The following KCND2 variants were observed in gnomAD, a reference collection of about 807,000 sequenced individuals.
The protein encoded by KCND2 is potassium voltage-gated channel subfamily D member 2.
In KCND2, 16 loss-of-function variants were observed where a neutral mutation model predicts 54.4. The observed-to-expected ratio is 0.29, with a 90% CI of 0.20 to 0.45. KCND2 has a LOEUF of 0.45. KCND2 is among the 20% of genes least tolerant of loss of function. The probability of loss-of-function intolerance (pLI) is 1.00; values close to 1 mark genes in which losing one functional copy is unlikely to be tolerated. For synonymous variants in KCND2, 317 were observed against 310.7 expected, an observed-to-expected ratio of 1.02 and a Z score of -0.21; for missense variants, 486 against 824.2, an observed-to-expected ratio of 0.59 and a Z score of 5.02.
chr7:120,692,541 AAG>A (rs1343118924), intron 1 of KCND2, among the ~76,000 whole-genome samples: 8 of 152,166 alleles, frequency 5.3e-5, no homozygotes, highest in African/African-American at 1.7e-4. Flanking sequence ...GAATAAGAAA[AAG>A]AGGTTTCCCA....
intron 1 of KCND2, among the ~76,000 whole-genome samples, chr7:120,304,652 C>G (rs922549675): frequency 6.6e-6 from 1 of 152,140 alleles, no homozygotes; most frequent in African/African-American, 2.4e-5. Flanking sequence ...GCAACTCTCT[C>G]TCTTTCTCCT....
chr7:120,571,827 A>C (rs1038492401), intron 1 of KCND2, among the ~76,000 whole-genome samples: 3 of 152,198 alleles, frequency 2.0e-5, no homozygotes, highest in Non-Finnish European at 4.4e-5. Flanking sequence ...TACTCTAAAC[A>C]CAATTGTGTG....
At chr7:120,453,280 T>C (rs905509951) in intron 1 of KCND2, among the ~76,000 whole-genome samples, 3 of 152,156 alleles carry the variant, frequency 2.0e-5, no homozygotes, top group African/African-American at 4.8e-5. Context: ...CCCCAGCTGA[T>C]GTGTGAGCAC....
At chr7:120,344,810 C>T (rs1323004499) in intron 1 of KCND2, among the ~76,000 whole-genome samples, 2 of 152,182 alleles carry the variant, frequency 1.3e-5, no homozygotes, top group Non-Finnish European at 2.9e-5. Flanking sequence ...CAAGACATGA[C>T]TTCAACATCA....
At chr7:120,318,086 G>T (rs1042848066) in intron 1 of KCND2, among the ~76,000 whole-genome samples, 25 of 152,144 alleles carry the variant, frequency 1.6e-4, no homozygotes, top group Non-Finnish European at 2.8e-4. Context: ...AAGAATTTTA[G>T]AGTAAATCTT....
intron 1 of KCND2, among the ~76,000 whole-genome samples, chr7:120,338,722 G>A (rs968851956): frequency 6.6e-6 from 1 of 151,970 alleles, no homozygotes; most frequent in Non-Finnish European, 1.5e-5. Flanking sequence ...ATTTATTTTA[G>A]TTGTATAATT....
chr7:120,745,464 T>C (rs1456497066), intron 4 of KCND2, among the ~76,000 whole-genome samples: 1 of 151,428 alleles, frequency 6.6e-6, no homozygotes, highest in African/African-American at 2.4e-5. Context: ...TTTTTTAGGT[T>C]TTTTTTTTCC....
intron 1 of KCND2, among the ~76,000 whole-genome samples, chr7:120,577,290 T>C (rs1384823822): frequency 6.6e-6 from 1 of 152,212 alleles, no homozygotes; most frequent in Non-Finnish European, 1.5e-5. Context: ...TTTCATACTT[T>C]GAACTCATGG....
At chr7:120,708,225 T>C (rs1431521940) in intron 1 of KCND2, among the ~76,000 whole-genome samples, 1 of 152,170 alleles carries the variant, frequency 6.6e-6, no homozygotes, top group African/African-American at 2.4e-5. Flanking sequence ...TGAAATGCTG[T>C]TGTATACAAT....
chr7:120,332,105 A>G (rs184081583), intron 1 of KCND2, among the ~76,000 whole-genome samples: 207 of 152,108 alleles, frequency 1.4e-3, no homozygotes, highest in Non-Finnish European at 2.5e-3. Flanking sequence ...ACCTCATTCA[A>G]TTGAAATTGA....
rs560915418 is a variant in KCND2 at position 120,550,863 on chromosome 7, G to T, written c.1116-182040G>T. ...TGAATGGAGTTGGAAAAGCAAGCCG[G>T]AAATAGCACTTCTCAAATGGAAATA... On this transcript the variant is annotated intron_variant, in intron 1 of 5. Transcript: ENST00000331113. Among the ~76,000 whole-genome samples, 40 of 152,304 alleles carry T rather than the reference G, an allele frequency of 2.6e-4. No homozygotes were observed. In the South Asian group the frequency reaches 8.3e-3, roughly 32 times the overall value.
At chr7:120,505,289 A>T (rs1434963580) in intron 1 of KCND2, among the ~76,000 whole-genome samples, 1 of 151,710 alleles carries the variant, frequency 6.6e-6, no homozygotes, top group East Asian at 1.9e-4. Flanking sequence ...TCCCCTTAAC[A>T]TCTATCTTAG....
chr7:120,709,081 T>C (rs779791135), intron 1 of KCND2, among the ~76,000 whole-genome samples: 8 of 152,142 alleles, frequency 5.3e-5, no homozygotes, highest in Non-Finnish European at 8.8e-5. Context: ...CTACCAAGGC[T>C]GCATAATTTC....
At chr7:120,490,238 G>A (rs771933574) in intron 1 of KCND2, among the ~76,000 whole-genome samples, 3 of 84,438 alleles carry the variant, frequency 3.6e-5, no homozygotes, top group Admixed American at 2.6e-4. Context: ...GATATTTAGC[G>A]TTCTTTCAGT....
At chr7:120,327,698 T>C (rs1407799416) in intron 1 of KCND2, among the ~76,000 whole-genome samples, 1 of 152,094 alleles carries the variant, frequency 6.6e-6, no homozygotes. Context: ...CTCAGATCTT[T>C]GAAAGGAAGT....
At position 120,275,172 on chromosome 7, in the gene KCND2, C is replaced by G. The variant is rs750973690; in HGVS notation, c.540C>G (p.Thr180=). ...RVWRAFENPH[T]STMALVFYYV... Reference sequence around the variant, plus strand: ...GGAGGGCCTTCGAGAACCCCCACACCAGCACGATGGCCCTGGTGTTCTACT... The same window carrying G: ...GGAGGGCCTTCGAGAACCCCCACACGAGCACGATGGCCCTGGTGTTCTACT... The change falls in exon 1 of 6, where the codon ACC becomes ACG. Residue 180 remains threonine, a synonymous_variant. Transcript: ENST00000331113. 6.2e-7 allele frequency: 1 copy of G among 1,613,946 alleles called. No individual in the cohort carries two copies.
chr7:120,426,572 T>G (rs1801709048), intron 1 of KCND2, among the ~76,000 whole-genome samples: 1 of 150,714 alleles, frequency 6.6e-6, no homozygotes, highest in African/African-American at 2.5e-5. Flanking sequence ...GTACGTTTTT[T>G]GTGGGGTTTT....
chr7:120,660,959 A>G (rs1791858408), intron 1 of KCND2, among the ~76,000 whole-genome samples: 2 of 151,724 alleles, frequency 1.3e-5, no homozygotes, highest in Non-Finnish European at 2.9e-5. Context: ...GCTTTCATTT[A>G]TTTTTATTTT....
intron 1 of KCND2, among the ~76,000 whole-genome samples, chr7:120,693,015 C>T (rs893582771): frequency 2.0e-5 from 3 of 152,104 alleles, no homozygotes; most frequent in Admixed American, 6.6e-5. Flanking sequence ...AAAACAACTA[C>T]TCACAAAAAA....
Sources: gnomAD v4.1 joint callset for allele counts (sites outside exome capture counted in the v4.1 genomes callset) on GRCh38, gnomAD v4.1.1 for gene constraint, MANE v1.5 for transcripts, NCBI Gene and HGNC (gene_info 2026-07-23, HGNC 2026-07-21) for gene names.